The following SYT16 variants were observed in gnomAD, a reference collection of about 807,000 sequenced individuals.
SYT16 encodes synaptotagmin 16.
SYT16 carries 42 observed loss-of-function variants against 61.4 expected under a neutral mutation model. The observed-to-expected ratio is 0.68, with a 90% CI of 0.53 to 0.89. The LOEUF is 0.89. Among genes scored for constraint, SYT16 ranks in the 40% least tolerant of loss-of-function variants. The pLI, the probability that SYT16 is intolerant of heterozygous loss-of-function variation, is 0.00. For missense variants in SYT16, 804 were observed against 807.3 expected, an observed-to-expected ratio of 1.00 and a Z score of 0.05; for synonymous variants, 314 against 302.3, an observed-to-expected ratio of 1.04 and a Z score of -0.40.
chr14:61,902,739 C>T (rs2048567214), intron 1 of SYT16, among the ~76,000 whole-genome samples: 1 of 152,180 alleles, frequency 6.6e-6, no homozygotes, highest in Non-Finnish European at 1.5e-5. Flanking sequence ...CAAATTTCCA[C>T]ATGGCTGGAG....
intron 1 of SYT16, among the ~76,000 whole-genome samples, chr14:61,960,940 A>G (rs773509659): frequency 4.6e-5 from 7 of 152,180 alleles, no homozygotes; most frequent in African/African-American, 1.2e-4. Flanking sequence ...ATGGAACAGA[A>G]TAGAGAGCCT....
At chr14:62,017,330 T>C (rs2053728676) in intron 3 of SYT16, among the ~76,000 whole-genome samples, 2 of 152,186 alleles carry the variant, frequency 1.3e-5, no homozygotes, top group African/African-American at 2.4e-5. Flanking sequence ...AGCCTTAGGA[T>C]TGGTCTCTCT....
chr14:62,022,654 G>A (rs2053957461), intron 3 of SYT16, among the ~76,000 whole-genome samples: 1 of 151,644 alleles, frequency 6.6e-6, no homozygotes, highest in Non-Finnish European at 1.5e-5. Context: ...ATGTATATAT[G>A]TCATACACTA....
At chr14:61,879,914 G>A (rs746320627) in intron 1 of SYT16, among the ~76,000 whole-genome samples, 3 of 151,952 alleles carry the variant, frequency 2.0e-5, no homozygotes, top group Admixed American at 1.3e-4. Context: ...GTCTTCTCTC[G>A]CCCCAGCTTT....
At chr14:61,951,888 C>T (rs1321334001) in intron 1 of SYT16, among the ~76,000 whole-genome samples, 1 of 152,136 alleles carries the variant, frequency 6.6e-6, no homozygotes, top group African/African-American at 2.4e-5. Context: ...CTCCTAGGCT[C>T]AAGTGATCCT....
At chr14:61,814,375 T>C (rs1355276972) in intron 1 of SYT16, among the ~76,000 whole-genome samples, 3 of 152,212 alleles carry the variant, frequency 2.0e-5, no homozygotes, top group Non-Finnish European at 4.4e-5. Flanking sequence ...TATTGTGTTA[T>C]TAATGAAAAA....
intron 3 of SYT16, among the ~76,000 whole-genome samples, chr14:62,042,587 A>C (rs148776243): frequency 5.8e-4 from 89 of 152,322 alleles, no homozygotes; most frequent in African/African-American, 1.9e-3. Flanking sequence ...TGTGGCTCTC[A>C]GTGAGCCCTG....
At chr14:61,982,569 C>CA (rs1445252855) in intron 2 of SYT16, among the ~76,000 whole-genome samples, 3 of 152,106 alleles carry the variant, frequency 2.0e-5, no homozygotes, top group African/African-American at 4.8e-5. Context: ...CCTCCCATAA[C>CA]ACGTGGGAAT....
intron 1 of SYT16, among the ~76,000 whole-genome samples, chr14:61,899,262 G>T (rs536323290): frequency 4.1e-4 from 62 of 152,090 alleles, no homozygotes; most frequent in Non-Finnish European, 5.6e-4. Flanking sequence ...TGACTTCAGA[G>T]TCCCATTTGC....
At chr14:62,099,872 TG>T (rs1450625464) in intron 7 of SYT16, among the ~76,000 whole-genome samples, 11 of 46,024 alleles carry the variant, frequency 2.4e-4, no homozygotes, top group Non-Finnish European at 5.1e-4. Flanking sequence ...AGCAAGACCT[TG>T]TGTGTCTGTC....
At chr14:62,056,743 G>A (rs1039938346) in intron 3 of SYT16, among the ~76,000 whole-genome samples, 1 of 152,158 alleles carries the variant, frequency 6.6e-6, no homozygotes, top group African/African-American at 2.4e-5. Flanking sequence ...CAGGCTCCTT[G>A]AATTTTCTAC....
rs2057586742 is a variant in SYT16 at position 62,110,385 on chromosome 14, T to C, written c.*9678T>C. On this transcript the variant is annotated 3_prime_UTR_variant, in exon 8 of 8. Coordinates refer to ENST00000683842, the MANE Select transcript of SYT16 (RefSeq NM_001367656.1). Reference sequence around the variant, plus strand: ...TAATGAACACTTTGAGACCCCACTATATAACAGGGCCATACATATGACAAG... The same window carrying C: ...TAATGAACACTTTGAGACCCCACTACATAACAGGGCCATACATATGACAAG... The C allele has an allele frequency of 6.6e-6, 1 of 152,150 alleles. No homozygotes were observed. The highest frequency in any genetic ancestry group is 1.9e-4 in the East Asian group (1 of 5,200). 9.4% of individuals were successfully genotyped at this position (152,150 alleles called of 1,614,324 possible).
intron 1 of SYT16, among the ~76,000 whole-genome samples, chr14:61,942,063 T>C (rs570777246): frequency 1.3e-5 from 2 of 152,332 alleles, no homozygotes; most frequent in East Asian, 3.9e-4. Context: ...ACAATGAATA[T>C]TATATAATTT....
At position 62,017,978 on chromosome 14, in the gene SYT16, A is replaced by G. The variant is rs1595168309; in HGVS notation, c.523+21436A>G. ...CAATCCTCTGGCTTCACCTTCTCAC[A>G]GTGCTGGGATTATAGGCATGAGCCA... On this transcript the variant is annotated intron_variant, in intron 3 of 7. Coordinates refer to ENST00000683842, the MANE Select transcript of SYT16 (RefSeq NM_001367656.1). Among the ~76,000 whole-genome samples, 4 of 152,114 alleles carry G rather than the reference A, an allele frequency of 2.6e-5. No individual in the cohort carries two copies. In the South Asian group the frequency reaches 6.2e-4, roughly 24 times the overall value.
intron 1 of SYT16, among the ~76,000 whole-genome samples, chr14:61,928,320 A>G (rs560911161): frequency 6.6e-6 from 1 of 152,304 alleles, no homozygotes; most frequent in South Asian, 2.1e-4. Flanking sequence ...TTACTTAAAG[A>G]AAGTAGGTGC....
At chr14:61,972,504 C>G (rs1273820380) in intron 2 of SYT16, among the ~76,000 whole-genome samples, 1 of 152,102 alleles carries the variant, frequency 6.6e-6, no homozygotes, top group Non-Finnish European at 1.5e-5. Flanking sequence ...GTAAAGGGAG[C>G]TTTAAAAATA....
chr14:62,088,386 A>G (rs957907546), intron 7 of SYT16, among the ~76,000 whole-genome samples: 3 of 152,208 alleles, frequency 2.0e-5, no homozygotes, highest in Non-Finnish European at 4.4e-5. Context: ...AAACTACTCT[A>G]TAGTGGAGAA....
At chr14:61,857,387 A>G (rs2046809732) in intron 1 of SYT16, among the ~76,000 whole-genome samples, 1 of 152,238 alleles carries the variant, frequency 6.6e-6, no homozygotes, top group Admixed American at 6.5e-5. Flanking sequence ...CACGGAACCA[A>G]CTGCAGCTAT....
At chr14:61,907,850 T>A (rs1173309234) in intron 1 of SYT16, among the ~76,000 whole-genome samples, 1 of 152,222 alleles carries the variant, frequency 6.6e-6, no homozygotes, top group Non-Finnish European at 1.5e-5. Context: ...TTCTCCATAA[T>A]TTTTTTAACT....
Sources: gnomAD v4.1 joint callset for allele counts (sites outside exome capture counted in the v4.1 genomes callset) on GRCh38, gnomAD v4.1.1 for gene constraint, MANE v1.5 for transcripts, NCBI Gene and HGNC (gene_info 2026-07-23, HGNC 2026-07-21) for gene names.